Variants in ARPP21 observed in about 807,000 individuals in gnomAD.
The protein encoded by ARPP21 is cAMP regulated phosphoprotein 21, also known as cAMP-regulated phosphoprotein 21.
A neutral mutation model predicts 113.2 loss-of-function variants in ARPP21; 69 were observed. The observed-to-expected ratio is 0.61, with a 90% CI of 0.50 to 0.74. The LOEUF is 0.74. ARPP21 is among the 30% of genes least tolerant of loss of function. The probability of loss-of-function intolerance (pLI) is 0.00; values close to 1 mark genes in which losing one functional copy is unlikely to be tolerated. For missense variants in ARPP21, 1,070 were observed against 1,037.4 expected (o/e 1.03, Z -0.43); for synonymous variants, 368 against 375.5 (o/e 0.98, Z 0.23).
In ARPP21 at chr3:35,715,617, A is replaced by G. The variant is rs574389499; in HGVS notation, c.935+141A>G. Reference sequence around the variant, plus strand: ...GATACATATATCTATGCGTACACACATATATGTTATTTAACACATCTACAA... The same window carrying G: ...GATACATATATCTATGCGTACACACGTATATGTTATTTAACACATCTACAA... On this transcript the variant is annotated intron_variant, in intron 12 of 20. Transcript: ENST00000684406. 1.2e-4 allele frequency: 69 copies of G among 573,452 alleles called. No individual in the cohort carries two copies. In the South Asian group the frequency reaches 2.0e-3, roughly 17 times the overall value. The allele number at this position is 573,452 out of a possible 1,614,324, so 35.5% of individuals were successfully genotyped here. A position where few individuals can be genotyped will look rare whatever the true frequency, so the allele number is the denominator to read the frequency against.
At chr3:35,672,469 GA>G (rs2076569626) in intron 1 of ARPP21, among the ~76,000 whole-genome samples, 1 of 152,072 alleles carries the variant, frequency 6.6e-6, no homozygotes, top group Admixed American at 6.6e-5. Flanking sequence ...GTCTTTGCAT[GA>G]TTAGATATCT....
At chr3:35,706,531 A>T (rs1219577407) in intron 9 of ARPP21, among the ~76,000 whole-genome samples, 4 of 152,156 alleles carry the variant, frequency 2.6e-5, no homozygotes, top group African/African-American at 9.7e-5. Flanking sequence ...CAGTCTAAAG[A>T]CTCTTAAAAG....
At chr3:35,730,200 G>T (rs1021694864) in intron 15 of ARPP21, among the ~76,000 whole-genome samples, 1 of 152,098 alleles carries the variant, frequency 6.6e-6, no homozygotes, top group Non-Finnish European at 1.5e-5. Flanking sequence ...CTTTAATTTT[G>T]CATTTTTCTA....
intron 19 of ARPP21, among the ~76,000 whole-genome samples, chr3:35,770,026 A>G (rs1209210627): frequency 1.3e-5 from 2 of 152,228 alleles, no homozygotes; most frequent in Non-Finnish European, 2.9e-5. Context: ...ATGTTGGTAC[A>G]GTTAACAGAA....
intron 1 of ARPP21, among the ~76,000 whole-genome samples, chr3:35,656,896 G>C (rs1705221910): frequency 6.6e-6 from 1 of 152,038 alleles, no homozygotes; most frequent in Admixed American, 6.6e-5. Flanking sequence ...TGAGGTAAAA[G>C]TATCAATTTA....
At chr3:35,733,521 A>G (rs1186537442) in intron 15 of ARPP21, among the ~76,000 whole-genome samples, 1 of 152,158 alleles carries the variant, frequency 6.6e-6, no homozygotes, top group Non-Finnish European at 1.5e-5. Context: ...TAGGCTAACT[A>G]GGCCGAGGGC....
intron 1 of ARPP21, among the ~76,000 whole-genome samples, chr3:35,666,306 T>C (rs890857515): frequency 2.0e-5 from 3 of 152,144 alleles, no homozygotes; most frequent in African/African-American, 7.2e-5. Context: ...TAGAACAAAA[T>C]ATTCCAATCA....
intron 1 of ARPP21, among the ~76,000 whole-genome samples, chr3:35,669,448 T>C (rs914298369): frequency 6.6e-6 from 1 of 152,164 alleles, no homozygotes; most frequent in African/African-American, 2.4e-5. Context: ...AAATTGTAAA[T>C]TTGATTCTTT....
chr3:35,725,142 G>A (rs1261704982), intron 14 of ARPP21, among the ~76,000 whole-genome samples: 8 of 152,144 alleles, frequency 5.3e-5, no homozygotes, highest in African/African-American at 1.9e-4. Flanking sequence ...AGGAAATTGG[G>A]TGATGTGATT....
At chr3:35,656,730 A>G (rs115605608) in intron 1 of ARPP21, among the ~76,000 whole-genome samples, 92 of 152,158 alleles carry the variant, frequency 6.0e-4, no homozygotes, top group African/African-American at 2.1e-3. Context: ...GTAGCCTGAT[A>G]GTGATGGTGG....
intron 9 of ARPP21, among the ~76,000 whole-genome samples, chr3:35,695,168 A>G (rs1367798468): frequency 1.3e-5 from 2 of 151,466 alleles, no homozygotes; most frequent in African/African-American, 2.4e-5. Context: ...CACATCTACA[A>G]GAGCATCAAG....
At chr3:35,678,792 T>A (rs1009448670) in intron 1 of ARPP21, 12 of 151,926 alleles carry the variant, frequency 7.9e-5, no homozygotes, top group Non-Finnish European at 1.6e-4. Flanking sequence ...GGAGAGAGGG[T>A]TTCTAACTCT....
At chr3:35,714,737 C>T (rs2092087357) in intron 11 of ARPP21, among the ~76,000 whole-genome samples, 1 of 151,954 alleles carries the variant, frequency 6.6e-6, no homozygotes, top group African/African-American at 2.4e-5. Context: ...TGTGCATAAA[C>T]ACAAGATAGA....
chr3:35,728,176 A>G lies in ARPP21; in HGVS notation c.1226-1127A>G, dbSNP rs143751018. Among the ~76,000 whole-genome samples, 817 of 147,206 alleles carry G rather than the reference A, an allele frequency of 5.6e-3. 6 individuals are homozygous for G. Among genetic ancestry groups the G allele is most frequent in the African/African-American group, 0.019 (772 of 40,466 alleles). ...ATTAATAATAATAATAATAATAATA[A>G]TAATAATAATAATGCCCACCATCTA... On this transcript the variant is annotated intron_variant, in intron 14 of 20. Coordinates refer to ENST00000684406, the MANE Select transcript of ARPP21 (RefSeq NM_001385562.1).
intron 1 of ARPP21, among the ~76,000 whole-genome samples, chr3:35,662,298 G>A (rs1708194218): frequency 2.0e-5 from 3 of 152,150 alleles, no homozygotes; most frequent in African/African-American, 7.2e-5. Flanking sequence ...GTATTAGAGA[G>A]GTGATTAAGA....
intron 12 of ARPP21, among the ~76,000 whole-genome samples, chr3:35,716,640 A>T (rs923094542): frequency 1.3e-5 from 2 of 152,064 alleles, no homozygotes; most frequent in Non-Finnish European, 2.9e-5. Flanking sequence ...AAGGATTCCA[A>T]AAATACTCTA....
chr3:35,679,721 T>C (rs184655384), intron 1 of ARPP21, 66 bp from the exon 2 acceptor site: 3 of 152,212 alleles, frequency 2.0e-5, no homozygotes. Context: ...CCCGTCTTAT[T>C]TATTTCATCC....
At chr3:35,724,185 G>A (rs1256169653) in intron 14 of ARPP21, among the ~76,000 whole-genome samples, 3 of 152,116 alleles carry the variant, frequency 2.0e-5, no homozygotes, top group Non-Finnish European at 1.5e-5. Flanking sequence ...TATTACTGAA[G>A]TATGAATGTA....
At chr3:35,666,131 G>A (rs1454436212) in intron 1 of ARPP21, among the ~76,000 whole-genome samples, 1 of 152,080 alleles carries the variant, frequency 6.6e-6, no homozygotes, top group Non-Finnish European at 1.5e-5. Flanking sequence ...TACTGAGAAT[G>A]ATACAAATGA....
Sources: gnomAD v4.1 joint callset for allele counts (sites outside exome capture counted in the v4.1 genomes callset) on GRCh38, gnomAD v4.1.1 for gene constraint, MANE v1.5 for transcripts, NCBI Gene and HGNC (gene_info 2026-07-23, HGNC 2026-07-21) for gene names.